Variants in SUGCT observed in about 807,000 individuals in gnomAD.
SUGCT encodes the protein succinyl-CoA:glutarate-CoA transferase.
A neutral mutation model predicts 55.0 loss-of-function variants in SUGCT; 41 were observed. That is an observed-to-expected ratio of 0.74 (90% CI 0.58 to 0.97). SUGCT has a LOEUF of 0.97. SUGCT is among the 50% of genes least tolerant of loss of function. SUGCT has a pLI of 0.00. For missense variants in SUGCT, 568 were observed against 547.8 expected, an observed-to-expected ratio of 1.04 and a Z score of -0.37; for synonymous variants, 187 against 200.4, an observed-to-expected ratio of 0.93 and a Z score of 0.56.
intron 9 of SUGCT, among the ~76,000 whole-genome samples, chr7:40,426,930 C>T (rs1361859685): frequency 6.6e-6 from 1 of 152,104 alleles, no homozygotes; most frequent in Admixed American, 6.6e-5. Context: ...CCTCCTGCCT[C>T]ATCCTTCTGA....
chr7:40,906,639 T>C, the SUGCT span, among the ~76,000 whole-genome samples: 1 of 152,212 alleles, frequency 6.6e-6, no homozygotes, highest in African/African-American at 2.4e-5. Flanking sequence ...CTAGAGGTGA[T>C]TTAAAATATG....
At chr7:40,457,833 G>A (rs1384422994) in intron 10 of SUGCT, among the ~76,000 whole-genome samples, 31 of 152,196 alleles carry the variant, frequency 2.0e-4, no homozygotes, top group Admixed American at 1.9e-3. Flanking sequence ...TTTAACCTGT[G>A]ACTTAGTGAA....
intron 9 of SUGCT, among the ~76,000 whole-genome samples, chr7:40,343,081 A>G (rs1797136621): frequency 6.6e-6 from 1 of 152,008 alleles, no homozygotes; most frequent in Admixed American, 6.6e-5. Context: ...GCATGACTTT[A>G]AAAAAAATAA....
intron 12 of SUGCT, among the ~76,000 whole-genome samples, chr7:40,547,498 T>C (rs917646992): frequency 6.6e-6 from 1 of 152,226 alleles, no homozygotes; most frequent in Non-Finnish European, 1.5e-5. Context: ...TTTATGGACT[T>C]AATCTTATTA....
chr7:40,217,296 T>A, intron 6 of SUGCT: 4 of 314,368 alleles, frequency 1.3e-5, no homozygotes, highest in South Asian at 9.1e-5. Context: ...CTGCGACCTC[T>A]GCCTCCGGGA....
intron 11 of SUGCT, among the ~76,000 whole-genome samples, chr7:40,462,958 A>G (rs1184889157): frequency 6.6e-6 from 1 of 152,122 alleles, no homozygotes; most frequent in Non-Finnish European, 1.5e-5. Flanking sequence ...TTACTCATTT[A>G]TTGTACTTTT....
intron 12 of SUGCT, among the ~76,000 whole-genome samples, chr7:40,656,543 A>G (rs902726673): frequency 6.6e-6 from 1 of 152,210 alleles, no homozygotes; most frequent in Non-Finnish European, 1.5e-5. Flanking sequence ...CATGTAACCA[A>G]TTCCAGATGT....
intron 1 of SUGCT, among the ~76,000 whole-genome samples, chr7:40,140,881 T>C (rs1402099778): frequency 6.6e-6 from 1 of 152,238 alleles, no homozygotes; most frequent in African/African-American, 2.4e-5. Context: ...TTTCTAATTC[T>C]GTGAAAAAAT....
intron 9 of SUGCT, among the ~76,000 whole-genome samples, chr7:40,338,887 T>C (rs573274941): frequency 2.0e-5 from 3 of 152,178 alleles, no homozygotes; most frequent in South Asian, 2.1e-4. Flanking sequence ...TTTATCTACC[T>C]TTGGTCTTTG....
the SUGCT span, among the ~76,000 whole-genome samples, chr7:40,915,862 C>T: frequency 6.6e-5 from 10 of 152,190 alleles, no homozygotes; most frequent in African/African-American, 2.2e-4. Context: ...TGTTTCCCAT[C>T]GCACCCTGTT....
chr7:40,324,240 A>ATATATATATATAT (rs1562681019), intron 9 of SUGCT, among the ~76,000 whole-genome samples: 1 of 51,630 alleles, frequency 1.9e-5, no homozygotes, highest in African/African-American at 7.0e-5. Context: ...TATATAAATA[A>ATATATATATATAT]ATAAATAAAT....
At chr7:40,263,124 G>A (rs571158975) in intron 7 of SUGCT, among the ~76,000 whole-genome samples, 1 of 152,276 alleles carries the variant, frequency 6.6e-6, no homozygotes, top group Non-Finnish European at 1.5e-5. Flanking sequence ...GTTTCACCAT[G>A]TTGGCCAGGC....
intron 1 of SUGCT, among the ~76,000 whole-genome samples, chr7:40,180,129 A>AT (rs562109191): frequency 0.052 from 7,611 of 146,362 alleles, 628 homozygotes; most frequent in African/African-American, 0.18. Context: ...TGTGATAGTA[A>AT]TTTTTTTTTT....
chr7:40,268,209 A>G (rs1281497908), intron 7 of SUGCT, among the ~76,000 whole-genome samples: 1 of 152,012 alleles, frequency 6.6e-6, no homozygotes, highest in Non-Finnish European at 1.5e-5. Context: ...ATTTTAGAAC[A>G]TTTTCATCAC....
chr7:40,961,957 T>G, the SUGCT span, among the ~76,000 whole-genome samples: 5 of 152,140 alleles, frequency 3.3e-5, no homozygotes, highest in Non-Finnish European at 7.3e-5. Flanking sequence ...CAAGATTTAT[T>G]GCAAAGAGCA....
intron 7 of SUGCT, among the ~76,000 whole-genome samples, chr7:40,243,059 C>T (rs759606078): frequency 1.9e-4 from 28 of 147,440 alleles, no homozygotes; most frequent in Non-Finnish European, 4.0e-4. Flanking sequence ...ACTCAGCCTC[C>T]TGAGTAGCTG....
chr7:40,469,113 A>G (rs1790277305), intron 11 of SUGCT, among the ~76,000 whole-genome samples: 1 of 152,106 alleles, frequency 6.6e-6, no homozygotes, highest in Non-Finnish European at 1.5e-5. Flanking sequence ...ACCCTCTGAA[A>G]CTTTTTGAGT....
At chr7:40,664,797 G>T (rs564546736) in intron 12 of SUGCT, among the ~76,000 whole-genome samples, 9 of 151,930 alleles carry the variant, frequency 5.9e-5, no homozygotes, top group African/African-American at 1.9e-4. Flanking sequence ...TGGCTAACAC[G>T]GTGAAACCCC....
At chr7:40,246,379 A>G (rs1302507586) in intron 7 of SUGCT, among the ~76,000 whole-genome samples, 1 of 151,808 alleles carries the variant, frequency 6.6e-6, no homozygotes, top group Non-Finnish European at 1.5e-5. Flanking sequence ...CCTCCTGAGT[A>G]GCTGCGATTA....
Sources: allele counts gnomAD v4.1 joint callset (sites outside exome capture counted in the v4.1 genomes callset), GRCh38; gene constraint gnomAD v4.1.1; transcripts MANE v1.5; gene names NCBI Gene and HGNC (gene_info 2026-07-23, HGNC 2026-07-21).